CNTN5: variants seen among roughly 807,000 people sequenced by gnomAD.
CNTN5 encodes the protein contactin-5.
CNTN5 carries 77 observed loss-of-function variants against 129.1 expected under a neutral mutation model. The observed-to-expected ratio is 0.60, with a 90% CI of 0.50 to 0.72. CNTN5 has a LOEUF of 0.72. Among genes scored for constraint, CNTN5 ranks in the 30% least tolerant of loss-of-function variants. The pLI is 0.00. For missense variants in CNTN5, 1,478 were observed against 1,328.8 expected, an observed-to-expected ratio of 1.11 and a Z score of -1.75; for synonymous variants, 509 against 465.6, an observed-to-expected ratio of 1.09 and a Z score of -1.20.
chr11:99,483,715 CACAGAAATAGA>C (rs1945695630), intron 2 of CNTN5, among the ~76,000 whole-genome samples: 1 of 151,518 alleles, frequency 6.6e-6, no homozygotes, highest in Non-Finnish European at 1.5e-5. Flanking sequence ...TGACATTTTC[CACAGAAATAGA>C]AAAAAAAGAA....
At chr11:99,653,058 T>G (rs1467526814) in intron 3 of CNTN5, among the ~76,000 whole-genome samples, 1 of 152,000 alleles carries the variant, frequency 6.6e-6, no homozygotes, top group African/African-American at 2.4e-5. Context: ...AACAATTGTT[T>G]ATACATCAAA....
At chr11:100,214,904 TCA>T (rs757345958) in intron 15 of CNTN5, among the ~76,000 whole-genome samples, 3 of 152,188 alleles carry the variant, frequency 2.0e-5, no homozygotes, top group Non-Finnish European at 4.4e-5. Flanking sequence ...TGAATATGCT[TCA>T]CAGTTGCTAA....
At chr11:99,793,129 G>T (rs950897359) in intron 3 of CNTN5, among the ~76,000 whole-genome samples, 2 of 150,992 alleles carry the variant, frequency 1.3e-5, no homozygotes, top group African/African-American at 4.9e-5. Flanking sequence ...GCGCAATCTC[G>T]GCTCACTGCA....
At chr11:99,202,222 G>A in intron 1 of CNTN5, among the ~76,000 whole-genome samples, 1 of 152,064 alleles carries the variant, frequency 6.6e-6, no homozygotes, top group East Asian at 1.9e-4. Flanking sequence ...TGAAGCTCAT[G>A]GTTTATTCAA....
intron 3 of CNTN5, among the ~76,000 whole-genome samples, chr11:99,715,314 T>C (rs1955172362): frequency 6.6e-6 from 1 of 151,704 alleles, no homozygotes; most frequent in Non-Finnish European, 1.5e-5. Flanking sequence ...GCAGCAGAAC[T>C]CCTCTAAATC....
At chr11:99,463,018 G>A (rs535535292) in intron 2 of CNTN5, among the ~76,000 whole-genome samples, 78 of 151,998 alleles carry the variant, frequency 5.1e-4, no homozygotes, top group African/African-American at 1.8e-3. Context: ...TGAGGCAGGA[G>A]AATTGCTTGA....
At chr11:99,883,120 T>C (rs1351638445) in intron 6 of CNTN5, among the ~76,000 whole-genome samples, 2 of 152,210 alleles carry the variant, frequency 1.3e-5, no homozygotes, top group Admixed American at 1.3e-4. Context: ...CATTCATCTA[T>C]TGATGGACAC....
chr11:99,591,869 T>C (rs1366542378), intron 3 of CNTN5, among the ~76,000 whole-genome samples: 3 of 152,164 alleles, frequency 2.0e-5, no homozygotes, highest in Admixed American at 1.3e-4. Context: ...GAAATACCAG[T>C]ATTTTGACAC....
chr11:99,756,485 A>G (rs560929633), intron 3 of CNTN5, among the ~76,000 whole-genome samples: 78 of 152,250 alleles, frequency 5.1e-4, no homozygotes, highest in Non-Finnish European at 8.8e-4. Flanking sequence ...GGAAAGGTAG[A>G]TTGCATCTTG....
intron 4 of CNTN5, among the ~76,000 whole-genome samples, chr11:99,842,067 G>T (rs894443748): frequency 6.6e-6 from 1 of 151,674 alleles, no homozygotes; most frequent in African/African-American, 2.4e-5. Flanking sequence ...AGCTAATTTT[G>T]TATGTTTAGT....
At chr11:99,596,852 A>G (rs926019827) in intron 3 of CNTN5, among the ~76,000 whole-genome samples, 2 of 152,162 alleles carry the variant, frequency 1.3e-5, no homozygotes, top group Non-Finnish European at 2.9e-5. Flanking sequence ...AATAATCGCA[A>G]TAAATTATAT....
intron 7 of CNTN5, among the ~76,000 whole-genome samples, chr11:99,955,103 C>A (rs562385319): frequency 3.4e-4 from 51 of 151,100 alleles, no homozygotes; most frequent in African/African-American, 1.2e-3. Context: ...CTAAGAAAAC[C>A]CTTATTTTAT....
Position 100,354,470 on chromosome 11 carries a change from A to G in CNTN5, c.3200-1647A>G, listed in dbSNP as rs1439930421. Among the ~76,000 whole-genome samples, 7 of 151,840 alleles carry G rather than the reference A, an allele frequency of 4.6e-5. No individual in the cohort carries two copies. The East Asian group carries it at 1.2e-3, about 25-fold the overall frequency. The stretch of plus-strand genomic sequence containing the variant: ...TGGGTATAAGAAAGAGTGACGAAAG[A>G]TCACCATTTTTTGCCAGGTTTGGCA... On this transcript the variant is annotated intron_variant, in intron 24 of 24. Transcript: ENST00000524871.
Position 100,272,094 on chromosome 11 carries a change from T to G in CNTN5, c.2314+853T>G, listed in dbSNP as rs80012479. Among the ~76,000 whole-genome samples, 463 of 152,226 alleles carry G rather than the reference T, an allele frequency of 3.0e-3. 1 individual carries two copies. The highest frequency in any genetic ancestry group is 0.011 in the African/African-American group (438 of 41,534). Reference sequence around the variant, plus strand: ...TAGAAAGAGGAGGATCAGGGATAGGTATAGGGAGGAAGAAATAACAAATGC... The same window carrying G: ...TAGAAAGAGGAGGATCAGGGATAGGGATAGGGAGGAAGAAATAACAAATGC... On this transcript the variant is annotated intron_variant, in intron 18 of 24. Coordinates refer to ENST00000524871, the MANE Select transcript of CNTN5 (RefSeq NM_014361.4).
chr11:100,098,730 T>G (rs1412056191), intron 13 of CNTN5, among the ~76,000 whole-genome samples: 1 of 152,116 alleles, frequency 6.6e-6, no homozygotes, highest in Non-Finnish European at 1.5e-5. Context: ...CCTGGGCTTA[T>G]CATTTGTCTG....
At chr11:99,774,772 T>G (rs1480233685) in intron 3 of CNTN5, among the ~76,000 whole-genome samples, 5 of 152,094 alleles carry the variant, frequency 3.3e-5, no homozygotes, top group Admixed American at 2.0e-4. Context: ...TTCAGTTCCG[T>G]TAGAAACATG....
intron 4 of CNTN5, among the ~76,000 whole-genome samples, chr11:99,833,204 A>G (rs754241331): frequency 3.9e-5 from 6 of 152,210 alleles, no homozygotes; most frequent in African/African-American, 1.4e-4. Flanking sequence ...TGGGTAGCCT[A>G]TCAGTAAGTG....
chr11:99,868,050 A>G (rs942080634), intron 6 of CNTN5, among the ~76,000 whole-genome samples: 4 of 152,124 alleles, frequency 2.6e-5, no homozygotes, highest in African/African-American at 9.7e-5. Context: ...CCCTGTGTCT[A>G]CTAAAAATAC....
intron 1 of CNTN5, among the ~76,000 whole-genome samples, chr11:99,292,626 G>A (rs561072998): frequency 2.6e-5 from 4 of 152,084 alleles, no homozygotes; most frequent in Admixed American, 1.3e-4. Context: ...TGTGTGTCTG[G>A]AGAGTCAAGC....
Sources: gnomAD v4.1 joint callset for allele counts (sites outside exome capture counted in the v4.1 genomes callset) on GRCh38, gnomAD v4.1.1 for gene constraint, MANE v1.5 for transcripts, NCBI Gene and HGNC (gene_info 2026-07-23, HGNC 2026-07-21) for gene names.